INTS8: variants seen among roughly 807,000 people sequenced by gnomAD.
The protein encoded by INTS8 is integrator complex subunit 8, also known as protein kaonashi-1.
A neutral mutation model predicts 138.9 loss-of-function variants in INTS8; 47 were observed. The observed-to-expected ratio is 0.34, with a 90% CI of 0.27 to 0.43. INTS8 has a LOEUF of 0.43. Ranked by LOEUF, INTS8 falls within the 20% of genes least tolerant of loss-of-function variation. The pLI is 1.00. For synonymous variants in INTS8, 392 were observed against 400.9 expected, an observed-to-expected ratio of 0.98 and a Z score of 0.27; for missense variants, 996 against 1,173.0, an observed-to-expected ratio of 0.85 and a Z score of 2.20.
intron 14 of INTS8, among the ~76,000 whole-genome samples, chr8:94,855,972 G>T (rs1815731804): frequency 6.6e-6 from 1 of 152,174 alleles, no homozygotes; most frequent in Non-Finnish European, 1.5e-5. Context: ...GTCTGGACTG[G>T]AGTTACAGAT....
rs768059536 is a variant in INTS8, at chr8:94,865,673, G to A, written c.2244G>A (p.Thr748=). ...RVSLIKQRES[T]LGIMYRSELL... The stretch of plus-strand genomic sequence containing the variant: ...GTTTAATAAAACAGAGGGAATCTAC[G>A]TTAGGTATCATGTATCGGTATGTAT... Residue 748 remains threonine, a synonymous_variant, in exon 17 of 27, where the codon ACG becomes ACA. Transcript: ENST00000523731. 13 of 1,613,792 alleles carry A rather than the reference G, an allele frequency of 8.1e-6. No individual in the cohort carries two copies. Among genetic ancestry groups the A allele is most frequent in the South Asian group, 4.4e-5 (4 of 91,070 alleles).
intron 10 of INTS8, among the ~76,000 whole-genome samples, chr8:94,848,043 C>T (rs1235408559): frequency 9.3e-6 from 1 of 107,500 alleles, no homozygotes; most frequent in East Asian, 2.2e-4. Context: ...GAGTCTCTCT[C>T]TGTTTCCCAG....
chr8:94,847,800 A>G (rs1168279229), intron 10 of INTS8, among the ~76,000 whole-genome samples: 2 of 152,262 alleles, frequency 1.3e-5, no homozygotes, highest in South Asian at 4.1e-4. Flanking sequence ...ACACATGTAC[A>G]AAGCTTCTCA....
intron 2 of INTS8, among the ~76,000 whole-genome samples, chr8:94,826,175 G>A (rs188864528): frequency 2.6e-5 from 4 of 152,302 alleles, no homozygotes. Flanking sequence ...TAAGACACAT[G>A]AATATTGCTG....
intron 26 of INTS8, among the ~76,000 whole-genome samples, chr8:94,877,406 A>G (rs1430730896): frequency 6.6e-6 from 1 of 152,250 alleles, no homozygotes; most frequent in African/African-American, 2.4e-5. Context: ...ACAAAAAGGA[A>G]AAAGAATGTG....
chr8:94,858,137 TTTC>T (rs1815821892), intron 15 of INTS8, among the ~76,000 whole-genome samples: 1 of 152,208 alleles, frequency 6.6e-6, no homozygotes, highest in Non-Finnish European at 1.5e-5. Context: ...GTTAAAGCCG[TTTC>T]TTATTTTTCT....
In INTS8 at chr8:94,842,355, C is replaced by A; in HGVS notation, c.1127C>A (p.Ala376Asp). 2 of 1,578,768 alleles carry A rather than the reference C, an allele frequency of 1.3e-6. No individual in the cohort carries two copies. The highest frequency in any genetic ancestry group is 1.2e-5 in the South Asian group (1 of 86,494). Residue 376 changes from alanine (A) to aspartate (D), a missense_variant, in exon 10 of 27, where the codon GCT (alanine) becomes GAT (aspartate). Ala to Asp is a moderately radical substitution (Grantham distance 126). Transcript: ENST00000523731. ...LFKKAQQGNE[A>D]LDEICFKVCA... Reference sequence around the variant, plus strand: ...ACTTTTGTATTCTACAGAAATGAAGCTCTAGATGAAATCTGTTTTAAAGTT... The same window carrying A: ...ACTTTTGTATTCTACAGAAATGAAGATCTAGATGAAATCTGTTTTAAAGTT...
rs768433116 is a variant in INTS8 at position 94,851,660 on chromosome 8, C to T, written c.1615C>T (p.Arg539Cys). Reference protein sequence around the residue: ...LIELHGMTSERQFWTVSNKWE... With the variant: ...LIELHGMTSECQFWTVSNKWE... ...TGAATTACATGGTATGACTTCAGAG[C>T]GCCAGTTCTGGACAGTGTCTAATAA... Residue 539 changes from arginine to cysteine, a missense_variant, in exon 13 of 27, where the codon CGC becomes TGC. Arg to Cys is a radical substitution (Grantham distance 180). Coordinates refer to ENST00000523731, the MANE Select transcript of INTS8 (RefSeq NM_017864.4). The T allele has an allele frequency of 9.4e-6, 15 of 1,601,332 alleles. No individual in the cohort carries two copies. The highest frequency in any genetic ancestry group is 7.9e-5 in the South Asian group (7 of 88,850).
In INTS8 at chr8:94,843,417, A is replaced by G. The variant is rs1410359521; in HGVS notation, c.1260+929A>G. 2.0e-5 allele frequency among the ~76,000 whole-genome samples: 3 copies of G among 152,306 alleles called. No homozygotes were observed. In the East Asian group the frequency reaches 5.8e-4, roughly 29 times the overall value. ...TCCGTCTCTACTAAAAATACAAAAA[A>G]TTAGCCGAGCGTGCTGGCAAGTGCC... On this transcript the variant is annotated intron_variant, in intron 10 of 26. Coordinates refer to ENST00000523731, the MANE Select transcript of INTS8 (RefSeq NM_017864.4).
chr8:94,823,845 TA>T (rs1200892965), intron 1 of INTS8, among the ~76,000 whole-genome samples: 4 of 152,216 alleles, frequency 2.6e-5, no homozygotes, highest in Non-Finnish European at 5.9e-5. Context: ...GTTGGGGTTT[TA>T]GAGGCTGCGA....
chr8:94,832,255 AATTT>A (rs1291138006), intron 6 of INTS8, 81 bp downstream of exon 6: 44 of 976,726 alleles, frequency 4.5e-5, no homozygotes, highest in Non-Finnish European at 6.8e-5. Context: ...TTTTAATTAG[AATTT>A]ATTTCTGCCT....
Position 94,827,270 on chromosome 8 carries a change from G to A in INTS8, c.313G>A (p.Val105Ile), listed in dbSNP as rs1242248107. 1 of 1,613,350 alleles carries A rather than the reference G, an allele frequency of 6.2e-7. No homozygotes were observed. Among genetic ancestry groups the A allele is most frequent in the Non-Finnish European group, 8.5e-7 (1 of 1,179,412 alleles). The change falls in exon 3 of 27, where the codon GTT (valine) becomes ATT (isoleucine). Residue 105 changes from valine to isoleucine, a missense_variant. By Grantham distance (29) the Val-to-Ile change is conservative (BLOSUM62 3). Transcript: ENST00000523731. ...ACGTTTTGCTTCTTCAAGTTTGTCT[G>A]TTCCAGTATTGAATATGCTACTAAA... is the stretch of plus-strand genomic sequence containing the variant. ...DLDILEKSLSVPVLNMLLNEL... is the reference protein window; with the variant it reads ...DLDILEKSLSIPVLNMLLNEL...
chr8:94,830,490 T>C (rs368161283), intron 5 of INTS8, among the ~76,000 whole-genome samples: 186 of 152,274 alleles, frequency 1.2e-3, no homozygotes, highest in African/African-American at 4.3e-3. Context: ...ATAAATCAAG[T>C]GGAACAGTGC....
intron 16 of INTS8, among the ~76,000 whole-genome samples, chr8:94,860,982 G>C (rs963473580): frequency 2.0e-4 from 30 of 150,554 alleles, no homozygotes; most frequent in African/African-American, 7.1e-4. Context: ...GCATGAACCC[G>C]GGAGGCGGAG....
At chr8:94,865,306 G>C (rs988285316) in intron 16 of INTS8, among the ~76,000 whole-genome samples, 200 bp from the exon 17 acceptor site, 4 of 152,052 alleles carry the variant, frequency 2.6e-5, no homozygotes, top group Admixed American at 6.5e-5. Context: ...CGAACCAGAG[G>C]ATCTTTCTCA....
At chr8:94,872,284 A>G (rs1816425091) in intron 21 of INTS8, among the ~76,000 whole-genome samples, 1 of 151,922 alleles carries the variant, frequency 6.6e-6, no homozygotes, top group Non-Finnish European at 1.5e-5. Context: ...CCCAGGCTGG[A>G]GTGAAGTGGC....
In INTS8 at chr8:94,842,343, A is replaced by G. The variant is rs1201038667; in HGVS notation, c.1119-4A>G. On this transcript the variant is annotated splice_polypyrimidine_tract_variant and splice_region_variant and intron_variant, in intron 9 of 26. Transcript: ENST00000523731. ...ATTAGTTGATCTACTTTTGTATTCT[A>G]CAGAAATGAAGCTCTAGATGAAATC... 1.3e-6 allele frequency: 2 copies of G among 1,566,426 alleles called. No homozygotes were observed. The highest frequency in any genetic ancestry group is 4.5e-5 in the East Asian group (2 of 44,190).
In INTS8 at chr8:94,823,336, TC is replaced by T. The variant is rs1275546642; in HGVS notation, c.-93del. The T allele has an allele frequency of 2.6e-6, 4 of 1,511,296 alleles. No individual in the cohort carries two copies. The South Asian group carries it at 5.0e-5, about 19-fold the overall frequency. 93.6% of individuals were successfully genotyped at this position (1,511,296 alleles called of 1,614,324 possible). A position where few individuals can be genotyped will look rare whatever the true frequency, so the allele number is the denominator to read the frequency against. ...CGGGACGTTCGGAGGGTGGCCTCTC[TC>T]CCACCGGGTTCCGCATACCCCAGGC... On this transcript the variant is annotated 5_prime_UTR_variant, in exon 1 of 27. Coordinates refer to ENST00000523731, the MANE Select transcript of INTS8 (RefSeq NM_017864.4).
intron 16 of INTS8, among the ~76,000 whole-genome samples, chr8:94,861,828 G>T (rs1815997499): frequency 6.6e-6 from 1 of 152,158 alleles, no homozygotes; most frequent in African/African-American, 2.4e-5. Context: ...TGGGATTACA[G>T]GCGTGAGCCA....
Sources: allele counts gnomAD v4.1 joint callset (sites outside exome capture counted in the v4.1 genomes callset), GRCh38; gene constraint gnomAD v4.1.1; transcripts MANE v1.5; gene names NCBI Gene and HGNC (gene_info 2026-07-23, HGNC 2026-07-21).